The following PHLPP2 variants were observed in gnomAD, a reference collection of about 807,000 sequenced individuals.
The protein encoded by PHLPP2 is PH domain and leucine rich repeat protein phosphatase 2.
In PHLPP2, 66 loss-of-function variants were observed where a neutral mutation model predicts 124.9. That is an observed-to-expected ratio of 0.53 (90% CI 0.43 to 0.65). The LOEUF (loss-of-function observed/expected upper bound fraction) is 0.65. Among genes scored for constraint, PHLPP2 ranks in the 30% least tolerant of loss-of-function variants. The probability of loss-of-function intolerance (pLI) is 0.00; values close to 1 mark genes in which losing one functional copy is unlikely to be tolerated. For missense variants in PHLPP2, 1,685 were observed against 1,600.4 expected (o/e 1.05, Z -0.90); for synonymous variants, 681 against 624.7 (o/e 1.09, Z -1.34).
At chr16:71,690,468 T>G (rs1485792121) in intron 4 of PHLPP2, 51 bp downstream of exon 4, 11 of 1,238,304 alleles carry the variant, frequency 8.9e-6, no homozygotes, top group Admixed American at 4.0e-5. Flanking sequence ...ATGTGATATT[T>G]TCTTAATTAA....
intron 2 of PHLPP2, among the ~76,000 whole-genome samples, chr16:71,703,046 T>G (rs2045246743): frequency 6.6e-6 from 1 of 152,218 alleles, no homozygotes; most frequent in Non-Finnish European, 1.5e-5. Context: ...TTTGACTTTC[T>G]GTTTCTGAGT....
Position 71,663,940 on chromosome 16 carries a change from G to A in PHLPP2, c.1944C>T (p.Ile648=), listed in dbSNP as rs372427848. The A allele has an allele frequency of 1.9e-6, 3 of 1,614,088 alleles. No individual in the cohort carries two copies. In the African/African-American group the frequency reaches 4.0e-5, roughly 22 times the overall value. ...GTAACTGATTGTTTGCAAGGTGCAAGATTCGCAGGTGCAGGTGCCCTACCA... is the reference window on the plus strand; with the variant it reads ...GTAACTGATTGTTTGCAAGGTGCAAAATTCGCAGGTGCAGGTGCCCTACCA... ...PVLVGHLHLR[I]LHLANNQLQT... Residue 648 remains isoleucine, a synonymous_variant, in exon 13 of 19, where the codon ATC becomes ATT. Coordinates refer to ENST00000568954, the MANE Select transcript of PHLPP2 (RefSeq NM_015020.3).
intron 10 of PHLPP2, among the ~76,000 whole-genome samples, chr16:71,670,735 G>A (rs1009317864): frequency 1.8e-4 from 6 of 33,984 alleles, no homozygotes; most frequent in East Asian, 7.4e-3. Flanking sequence ...AGGAGGGGAA[G>A]AGGAGGGGGA....
chr16:71,660,372 CAAAAAA>C (rs1158155665), intron 13 of PHLPP2, among the ~76,000 whole-genome samples: 5 of 26,992 alleles, frequency 1.9e-4, no homozygotes, highest in African/African-American at 4.2e-4. Flanking sequence ...GACCTTGTCT[CAAAAAA>C]AAAAAAAAAA....
At chr16:71,668,214 A>G (rs1173590019) in intron 11 of PHLPP2, among the ~76,000 whole-genome samples, 1 of 151,202 alleles carries the variant, frequency 6.6e-6, no homozygotes, top group Non-Finnish European at 1.5e-5. Flanking sequence ...GATCGAGACC[A>G]TCCTGGCTAA....
At chr16:71,657,287 A>T (rs1247493597) in intron 15 of PHLPP2, among the ~76,000 whole-genome samples, 1 of 152,050 alleles carries the variant, frequency 6.6e-6, no homozygotes, top group Non-Finnish European at 1.5e-5. Flanking sequence ...CATGTTGACC[A>T]GGCTGGTCTC....
At chr16:71,694,769 G>C (rs2145359127) in intron 3 of PHLPP2, among the ~76,000 whole-genome samples, 1 of 151,964 alleles carries the variant, frequency 6.6e-6, no homozygotes, top group Non-Finnish European at 1.5e-5. Flanking sequence ...TAAACAAAGA[G>C]ACCATCATTT....
At chr16:71,683,836 G>C (rs553908035) in intron 5 of PHLPP2, among the ~76,000 whole-genome samples, 1 of 151,990 alleles carries the variant, frequency 6.6e-6, no homozygotes, top group East Asian at 1.9e-4. Context: ...TGTTGCCCGG[G>C]CTGGAGTGCA....
In PHLPP2 at chr16:71,702,741, C is replaced by T. The variant is rs752069517; in HGVS notation, c.285-10G>A. On this transcript the variant is annotated splice_polypyrimidine_tract_variant and intron_variant, in intron 2 of 18. Coordinates refer to ENST00000568954, the MANE Select transcript of PHLPP2 (RefSeq NM_015020.3). Reference sequence around the variant, plus strand: ...AGTAGGTTCCAGTCTCCTGATTACACAATTCAAAAAAATATATATATTTGG... The same window carrying T: ...AGTAGGTTCCAGTCTCCTGATTACATAATTCAAAAAAATATATATATTTGG... The T allele has an allele frequency of 6.4e-7, 1 of 1,555,074 alleles. No homozygotes were observed. Among genetic ancestry groups the T allele is most frequent in the South Asian group, 1.2e-5 (1 of 82,328 alleles).
At chr16:71,702,034 A>G (rs981138225) in intron 3 of PHLPP2, among the ~76,000 whole-genome samples, 4 of 152,144 alleles carry the variant, frequency 2.6e-5, no homozygotes, top group African/African-American at 9.7e-5. Context: ...CTAGGGTTCA[A>G]CCACAATCAG....
chr16:71,705,603 C>T (rs751155220), intron 2 of PHLPP2, among the ~76,000 whole-genome samples: 1 of 152,094 alleles, frequency 6.6e-6, no homozygotes, highest in Non-Finnish European at 1.5e-5. Context: ...CCCCTGCCAC[C>T]CAGGTTCAAG....
intron 6 of PHLPP2, among the ~76,000 whole-genome samples, chr16:71,680,836 T>C (rs2044990429): frequency 6.6e-6 from 1 of 152,222 alleles, no homozygotes; most frequent in Non-Finnish European, 1.5e-5. Context: ...TAATTCTTTT[T>C]CATAGCAACT....
chr16:71,712,168 G>T (rs142985540), intron 2 of PHLPP2, among the ~76,000 whole-genome samples: 1 of 152,332 alleles, frequency 6.6e-6, no homozygotes, highest in African/African-American at 2.4e-5. Context: ...ACACATGAAA[G>T]CACTTAATGT....
In PHLPP2 at chr16:71,714,772, A is replaced by G; in HGVS notation, c.24T>C (p.Asn8=). The G allele has an allele frequency of 6.2e-7, 1 of 1,613,370 alleles. No homozygotes were observed. Among genetic ancestry groups the G allele is most frequent in the Non-Finnish European group, 8.5e-7 (1 of 1,179,686 alleles). MKRNGSR[N]CLNRRSRFGS... ...CAAACCTACTTCTCCTATTCAAACA[A>G]TTTCTGCTCCCATTGCGTTTCATAT... Residue 8 remains asparagine, a synonymous_variant, in exon 2 of 19, where the codon AAT becomes AAC. Transcript: ENST00000568954.
At chr16:71,713,878 C>T (rs2045339574) in intron 2 of PHLPP2, among the ~76,000 whole-genome samples, 1 of 150,496 alleles carries the variant, frequency 6.6e-6, no homozygotes. Context: ...AAAAGTACTT[C>T]TCACTCTATA....
chr16:71,682,658 C>G (rs2045013498), intron 5 of PHLPP2, among the ~76,000 whole-genome samples: 1 of 152,046 alleles, frequency 6.6e-6, no homozygotes, highest in South Asian at 2.1e-4. Flanking sequence ...GCTAAACATG[C>G]AAAAGACACT....
At chr16:71,676,178 C>T (rs1222425380) in intron 9 of PHLPP2, among the ~76,000 whole-genome samples, 2 of 152,152 alleles carry the variant, frequency 1.3e-5, no homozygotes, top group Non-Finnish European at 2.9e-5. Context: ...CTGTTTTGAA[C>T]ATGCTTGCCC....
chr16:71,667,882 C>A (rs867502151), intron 11 of PHLPP2, among the ~76,000 whole-genome samples: 1 of 152,052 alleles, frequency 6.6e-6, no homozygotes, highest in Non-Finnish European at 1.5e-5. Flanking sequence ...GTATGTTAAA[C>A]GCCTCTAGTT....
chr16:71,669,155 G>A, intron 11 of PHLPP2, 120 bp downstream of exon 11: 1 of 634,580 alleles, frequency 1.6e-6, no homozygotes, highest in Non-Finnish European at 2.8e-6. Flanking sequence ...ACTGCCTCAT[G>A]CTCAGCAGGT....
Sources: allele counts gnomAD v4.1 joint callset (sites outside exome capture counted in the v4.1 genomes callset), GRCh38; gene constraint gnomAD v4.1.1; transcripts MANE v1.5; gene names NCBI Gene and HGNC (gene_info 2026-07-23, HGNC 2026-07-21).